LRMDA: variants seen among roughly 807,000 people sequenced by gnomAD.
LRMDA encodes the protein leucine rich melanocyte differentiation associated, also known as leucine-rich melanocyte differentiation-associated protein.
Under a neutral mutation model 29.8 loss-of-function variants are expected in LRMDA, and 18 were observed. The ratio of observed to expected loss-of-function variants is 0.60; its 90% CI spans 0.42 to 0.90. LRMDA has a LOEUF of 0.90. LRMDA is among the 40% of genes least tolerant of loss of function. The pLI, the probability that LRMDA is intolerant of heterozygous loss-of-function variation, is 0.00. For synonymous variants in LRMDA, 125 were observed against 109.4 expected, an observed-to-expected ratio of 1.14 and a Z score of -0.89; for missense variants, 273 against 273.9, an observed-to-expected ratio of 1.00 and a Z score of 0.02.
chr10:75,905,512 A>G (rs1332654944), intron 2 of LRMDA, among the ~76,000 whole-genome samples: 1 of 152,128 alleles, frequency 6.6e-6, no homozygotes, highest in Admixed American at 6.5e-5. Context: ...TAAAAATTAT[A>G]TGAATGTATG....
At chr10:75,809,986 C>A (rs1843929297) in intron 2 of LRMDA, among the ~76,000 whole-genome samples, 1 of 152,146 alleles carries the variant, frequency 6.6e-6, no homozygotes, top group Non-Finnish European at 1.5e-5. Flanking sequence ...CCTTGTGTGG[C>A]TATGCTGGTT....
intron 2 of LRMDA, among the ~76,000 whole-genome samples, chr10:75,728,659 G>C (rs1842659611): frequency 2.0e-5 from 3 of 152,098 alleles, no homozygotes; most frequent in Non-Finnish European, 4.4e-5. Flanking sequence ...CTGGGGAGGA[G>C]GCAATGTGAT....
At chr10:76,016,063 T>G (rs1455793493) in intron 2 of LRMDA, among the ~76,000 whole-genome samples, 1 of 152,240 alleles carries the variant, frequency 6.6e-6, no homozygotes, top group East Asian at 1.9e-4. Flanking sequence ...CTTGAGTTAC[T>G]CCTTGAATCT....
intron 5 of LRMDA, among the ~76,000 whole-genome samples, chr10:76,254,607 C>T (rs1411107088): frequency 1.3e-5 from 2 of 152,074 alleles, no homozygotes; most frequent in Admixed American, 1.3e-4. Flanking sequence ...GGCATTTGTT[C>T]TGCTATATAA....
At chr10:75,848,005 G>T (rs1844670167) in intron 2 of LRMDA, among the ~76,000 whole-genome samples, 1 of 152,144 alleles carries the variant, frequency 6.6e-6, no homozygotes, top group Non-Finnish European at 1.5e-5. Context: ...CAGTATAGAG[G>T]TTCCTCAGAA....
intron 5 of LRMDA, among the ~76,000 whole-genome samples, chr10:76,159,325 TAA>T (rs1331752616): frequency 2.2e-4 from 33 of 152,234 alleles, no homozygotes; most frequent in Admixed American, 1.9e-3. Flanking sequence ...CAAATTAAAA[TAA>T]TGAGATACCA....
rs1193353016 is a variant in LRMDA at position 75,692,220 on chromosome 10, ATATATATATATAT to A, written c.131+253727_131+253739del. 1.8e-4 allele frequency among the ~76,000 whole-genome samples: 11 copies of A among 61,310 alleles called. No homozygotes were observed. The South Asian group carries it at 4.7e-3, about 26-fold the overall frequency. The allele number at this position is 61,310 out of a possible 152,430, so 40.2% of individuals were successfully genotyped here. On this transcript the variant is annotated intron_variant, in intron 2 of 6. Coordinates refer to ENST00000611255, the MANE Select transcript of LRMDA (RefSeq NM_001305581.2). Reference sequence around the variant, plus strand: ...TTGTCTCTGGGGGGAAAAAAAAAAAATATATATATATATATATATATATATATACATATATATA... The same window carrying A: ...TTGTCTCTGGGGGGAAAAAAAAAAAAATATATATATATATACATATATATA...
intron 2 of LRMDA, among the ~76,000 whole-genome samples, chr10:75,781,537 TATTG>T (rs1311184582): frequency 6.6e-5 from 10 of 152,324 alleles, no homozygotes; most frequent in Admixed American, 6.5e-4. Context: ...AACATTTCTG[TATTG>T]ATTTAAGATT....
At chr10:76,393,775 A>G (rs534513745) in intron 6 of LRMDA, among the ~76,000 whole-genome samples, 10 of 152,196 alleles carry the variant, frequency 6.6e-5, no homozygotes, top group African/African-American at 2.4e-4. Context: ...GTTTCCTTCT[A>G]GTGGTTTCGC....
At chr10:75,870,629 T>G (rs1845093698) in intron 2 of LRMDA, among the ~76,000 whole-genome samples, 1 of 152,160 alleles carries the variant, frequency 6.6e-6, no homozygotes, top group African/African-American at 2.4e-5. Context: ...CTGCAGCACC[T>G]CCCACTGTTG....
intron 6 of LRMDA, among the ~76,000 whole-genome samples, chr10:76,363,172 AGAAAGGAGG>A (rs1841338302): frequency 1.2e-4 from 2 of 17,346 alleles, no homozygotes; most frequent in South Asian, 1.3e-3. Context: ...AAAGAAAGAA[AGAAAGGAGG>A]GAGGGAGGGA....
In LRMDA at chr10:76,063,438, G is replaced by A. The variant is rs1955129; in HGVS notation, c.516+4655G>A. Among the ~76,000 whole-genome samples the A allele has an allele frequency of 8.5e-4, 130 of 152,200 alleles. 1 individual carries two copies. In the South Asian group the frequency reaches 9.6e-3, roughly 11 times the overall value. ...CAGAGTCAGCTTCTAAGTGGCGAGC[G>A]ATTTCCTTTCCTGATTTTTCCACCT... On this transcript the variant is annotated intron_variant, in intron 5 of 6. Transcript: ENST00000611255.
At chr10:75,563,480 C>G (rs563640111) in intron 2 of LRMDA, among the ~76,000 whole-genome samples, 145 of 152,132 alleles carry the variant, frequency 9.5e-4, no homozygotes, top group Non-Finnish European at 1.7e-3. Context: ...TTTGAATTTC[C>G]TCCTGTAGCT....
At chr10:75,830,622 A>G (rs1235658982) in intron 2 of LRMDA, among the ~76,000 whole-genome samples, 1 of 152,204 alleles carries the variant, frequency 6.6e-6, no homozygotes, top group Non-Finnish European at 1.5e-5. Context: ...CATGAGAACA[A>G]TATGGGAAAG....
chr10:76,435,970 T>G (rs1240411859), intron 6 of LRMDA, among the ~76,000 whole-genome samples: 1 of 152,178 alleles, frequency 6.6e-6, no homozygotes, highest in African/African-American at 2.4e-5. Flanking sequence ...GCAAAATGCT[T>G]TAATTTTTGG....
chr10:75,740,819 C>T (rs1308757562), intron 2 of LRMDA, among the ~76,000 whole-genome samples: 1 of 152,050 alleles, frequency 6.6e-6, no homozygotes, highest in East Asian at 1.9e-4. Context: ...TCATGAATAG[C>T]ACTCAATTTG....
At position 76,004,535 on chromosome 10, in the gene LRMDA, G is replaced by A. The variant is rs547827153; in HGVS notation, c.132-31473G>A. ...ACCTGGGGAAACTTACAGAAAGAGC[G>A]GCAGACAGTGTCAGGCAGGCCACAG... On this transcript the variant is annotated intron_variant, in intron 2 of 6. Transcript: ENST00000611255. 3.0e-4 allele frequency among the ~76,000 whole-genome samples: 46 copies of A among 152,216 alleles called. No individual in the cohort carries two copies. The South Asian group carries it at 4.8e-3, about 16-fold the overall frequency.
chr10:75,632,074 T>C (rs1165315701), intron 2 of LRMDA, among the ~76,000 whole-genome samples: 1 of 152,260 alleles, frequency 6.6e-6, no homozygotes, highest in Non-Finnish European at 1.5e-5. Context: ...GCAACCTTTA[T>C]ACTTCTGCTC....
chr10:75,808,116 C>A (rs1425211856), intron 2 of LRMDA, among the ~76,000 whole-genome samples: 1 of 152,150 alleles, frequency 6.6e-6, no homozygotes, highest in Non-Finnish European at 1.5e-5. Context: ...AGAATGAACA[C>A]CTCCTTTTTT....
Sources: allele counts gnomAD v4.1 joint callset (sites outside exome capture counted in the v4.1 genomes callset), GRCh38; gene constraint gnomAD v4.1.1; transcripts MANE v1.5; gene names NCBI Gene and HGNC (gene_info 2026-07-23, HGNC 2026-07-21).